NMNAT3: variants seen among roughly 807,000 people sequenced by gnomAD.
NMNAT3 encodes nicotinamide/nicotinic acid mononucleotide adenylyltransferase 3.
NMNAT3 carries 21 observed loss-of-function variants against 24.8 expected under a neutral mutation model. The observed-to-expected ratio is 0.85, with a 90% CI of 0.60 to 1.22. The LOEUF is 1.22. Among genes scored for constraint, NMNAT3 ranks in the 50% most tolerant of loss-of-function variants. NMNAT3 has a pLI of 0.00. For synonymous variants in NMNAT3, 136 were observed against 155.2 expected, an observed-to-expected ratio of 0.88 and a Z score of 0.92; for missense variants, 387 against 436.6, an observed-to-expected ratio of 0.89 and a Z score of 1.01.
intron 3 of NMNAT3, among the ~76,000 whole-genome samples, chr3:139,586,716 C>T (rs2053954384): frequency 1.3e-5 from 2 of 152,048 alleles, no homozygotes; most frequent in Admixed American, 1.3e-4. Context: ...ATTTAAGTTC[C>T]AAAAGTTACT....
chr3:139,599,228 G>C, intron 3 of NMNAT3: 1 of 625,740 alleles, frequency 1.6e-6, no homozygotes, highest in Non-Finnish European at 2.9e-6. Context: ...AAACAATTGA[G>C]AAAAGCATTA....
chr3:139,629,675 A>T (rs895862782), intron 2 of NMNAT3, among the ~76,000 whole-genome samples: 3 of 152,166 alleles, frequency 2.0e-5, no homozygotes, highest in Non-Finnish European at 4.4e-5. Context: ...AACTGTTTCA[A>T]TTTGGCCCAT....
At chr3:139,666,892 C>G (rs113794763) in intron 1 of NMNAT3, among the ~76,000 whole-genome samples, 3,814 of 152,320 alleles carry the variant, frequency 0.025, 176 homozygotes, top group African/African-American at 0.087. Flanking sequence ...CCAGTTCCAT[C>G]CATGTTGCTG....
intron 1 of NMNAT3, among the ~76,000 whole-genome samples, 197 bp downstream of exon 1, chr3:139,677,508 G>C (rs572237772): frequency 6.6e-6 from 1 of 152,350 alleles, no homozygotes; most frequent in East Asian, 1.9e-4. Flanking sequence ...GCTGCAGCGA[G>C]AACCGCCGGC....
At position 139,573,692 on chromosome 3, in the gene NMNAT3, AC is replaced by A. The variant is rs1287854432; in HGVS notation, c.576-13del. On this transcript the variant is annotated splice_polypyrimidine_tract_variant and intron_variant, in intron 5 of 6. Coordinates refer to ENST00000643695, the MANE Select transcript of NMNAT3 (RefSeq NM_001320510.2). ...TGCTGTGATGATGCCTGTGTTGTAA[AC>A]ATATGGGCTCAGGGTATGTCTGTCC... is the stretch of plus-strand genomic sequence containing the variant. The A allele has an allele frequency of 6.5e-7, 1 of 1,533,352 alleles. No individual in the cohort carries two copies. Among genetic ancestry groups the A allele is most frequent in the Non-Finnish European group, 8.9e-7 (1 of 1,126,442 alleles). The allele number at this position is 1,533,352 out of a possible 1,614,324, so 95.0% of individuals were successfully genotyped here.
At chr3:139,638,457 G>A (rs576072144) in intron 1 of NMNAT3, among the ~76,000 whole-genome samples, 56 of 152,258 alleles carry the variant, frequency 3.7e-4, no homozygotes, top group African/African-American at 1.3e-3. Flanking sequence ...TGCTACCCTG[G>A]GGGCTTCCCT....
At chr3:139,567,869 G>C (rs1260854103) in intron 6 of NMNAT3, 1 of 152,180 alleles carries the variant, frequency 6.6e-6, no homozygotes. Context: ...ATGAGTTAGG[G>C]AGGATTCCCT....
intron 5 of NMNAT3, chr3:139,576,047 T>G: frequency 7.8e-7 from 1 of 1,288,346 alleles, no homozygotes; most frequent in Non-Finnish European, 1.0e-6. Flanking sequence ...AACTATCTTA[T>G]AGGGAAAGAA....
intron 1 of NMNAT3, among the ~76,000 whole-genome samples, chr3:139,639,427 A>C (rs2056621860): frequency 6.6e-6 from 1 of 152,214 alleles, no homozygotes; most frequent in Non-Finnish European, 1.5e-5. Context: ...CAGCCTTGGA[A>C]GACTGATATT....
At chr3:139,583,578 G>T (rs1376129241) in intron 3 of NMNAT3, 1 of 751,216 alleles carries the variant, frequency 1.3e-6, no homozygotes, top group Non-Finnish European at 2.4e-6. Flanking sequence ...AGAAATATAG[G>T]TGGATTGAGA....
intron 3 of NMNAT3, among the ~76,000 whole-genome samples, chr3:139,588,920 G>A (rs1015726231): frequency 6.6e-6 from 1 of 152,164 alleles, no homozygotes; most frequent in Non-Finnish European, 1.5e-5. Context: ...CACACATTTG[G>A]GGGTCTTGAA....
At chr3:139,582,577 G>A (rs1329015728) in intron 4 of NMNAT3, among the ~76,000 whole-genome samples, 1 of 146,718 alleles carries the variant, frequency 6.8e-6, no homozygotes, top group Non-Finnish European at 1.5e-5. Flanking sequence ...AGGAGGAGGA[G>A]GTTGCAGTGA....
intron 3 of NMNAT3, among the ~76,000 whole-genome samples, chr3:139,607,504 A>C (rs1200767135): frequency 6.6e-5 from 10 of 152,244 alleles, no homozygotes; most frequent in Admixed American, 6.5e-4. Context: ...TGCAGTATCC[A>C]ATCACAATGC....
chr3:139,561,056 G>A lies in NMNAT3; in HGVS notation c.995C>T (p.Thr332Ile), dbSNP rs1936303884. Reference sequence around the variant, plus strand: ...GCTCTGGGTGCTTTTGCCTTTCCAGGTACTGCCCTTGGTGTAGAGGCCATG... The same window carrying A: ...GCTCTGGGTGCTTTTGCCTTTCCAGATACTGCCCTTGGTGTAGAGGCCATG... Residue 332 changes from threonine to isoleucine, a missense_variant, in exon 7 of 7, where the codon ACC (threonine) becomes ATC (isoleucine). Around this residue, in one of 3 missense-constraint regions of NMNAT3, gnomAD observed 323 missense variants for 345.2 expected, o/e 0.94. Coordinates refer to ENST00000643695, the MANE Select transcript of NMNAT3 (RefSeq NM_001320510.2). The A allele has an allele frequency of 6.2e-7, 1 of 1,613,758 alleles. No homozygotes were observed. Among genetic ancestry groups the A allele is most frequent in the African/African-American group, 1.3e-5 (1 of 74,862 alleles).
intron 3 of NMNAT3, among the ~76,000 whole-genome samples, chr3:139,589,147 G>A (rs1416325209): frequency 1.3e-5 from 2 of 152,198 alleles, no homozygotes; most frequent in Non-Finnish European, 2.9e-5. Context: ...TTGTATGCAG[G>A]ATTTGCAGGA....
intron 1 of NMNAT3, among the ~76,000 whole-genome samples, chr3:139,666,022 A>C (rs1250933124): frequency 6.6e-6 from 1 of 152,176 alleles, no homozygotes; most frequent in Admixed American, 6.5e-5. Context: ...TATGTTACCT[A>C]TCAAAAAATT....
chr3:139,632,315 C>T (rs1316732820), intron 2 of NMNAT3, among the ~76,000 whole-genome samples: 1 of 152,168 alleles, frequency 6.6e-6, no homozygotes, highest in Non-Finnish European at 1.5e-5. Context: ...CTTCACCCGA[C>T]TCAATCTGAA....
rs920179198 is a variant in NMNAT3, at chr3:139,642,789, GC to G, written c.-140-4728del. ...CTCCCCCTCTTCAGAGGGTGAGGAA[GC>G]CCTGCTTTTCCTGCATTAGTGCTGG... On this transcript the variant is annotated intron_variant, in intron 1 of 6. Coordinates refer to ENST00000643695, the MANE Select transcript of NMNAT3 (RefSeq NM_001320510.2). Among the ~76,000 whole-genome samples the G allele has an allele frequency of 1.2e-4, 18 of 152,244 alleles. No homozygotes were observed. In the East Asian group the frequency reaches 3.1e-3, roughly 26 times the overall value.
chr3:139,674,544 G>A (rs571172014), intron 1 of NMNAT3, among the ~76,000 whole-genome samples: 1 of 152,220 alleles, frequency 6.6e-6, no homozygotes, highest in African/African-American at 2.4e-5. Flanking sequence ...ATGTATGGAA[G>A]ATTTATCGAG....
Sources: gnomAD v4.1 joint callset for allele counts (sites outside exome capture counted in the v4.1 genomes callset) on GRCh38, gnomAD v4.1.1 for gene constraint, gnomAD v4.1.1 regional missense constraint, MANE v1.5 for transcripts, NCBI Gene and HGNC (gene_info 2026-07-23, HGNC 2026-07-21) for gene names.